Variants in USF3 observed in about 807,000 individuals in gnomAD.
USF3 encodes upstream transcription factor family member 3, also known as basic helix-loop-helix domain-containing protein USF3.
Under a neutral mutation model 157.5 loss-of-function variants are expected in USF3, and 29 were observed. That is an observed-to-expected ratio of 0.18 (90% CI 0.14 to 0.25). USF3 has a LOEUF of 0.25. Ranked by LOEUF, USF3 falls within the 10% of genes least tolerant of loss-of-function variation. USF3 has a pLI of 1.00. For missense variants in USF3, 2,381 were observed against 2,667.6 expected (o/e 0.89, Z 2.37); for synonymous variants, 893 against 941.4 (o/e 0.95, Z 0.94).
rs144964857 is a variant in USF3 at position 113,692,439 on chromosome 3, C to A, written c.-135+3931G>T. On this transcript the variant is annotated intron_variant, in intron 1 of 6. Transcript: ENST00000316407. ...ATGAAAAAAAATTTCATGTTTGTATCCTCAACAATTAGCACTCAGTAACTG... is the reference window on the plus strand; with the variant it reads ...ATGAAAAAAAATTTCATGTTTGTATACTCAACAATTAGCACTCAGTAACTG... 1.7e-3 allele frequency among the ~76,000 whole-genome samples: 255 copies of A among 152,096 alleles called. 1 individual carries two copies. Among genetic ancestry groups the A allele is most frequent in the African/African-American group, 5.7e-3 (236 of 41,498 alleles).
In USF3 at chr3:113,655,666, C is replaced by G. The variant is rs9863796; in HGVS notation, c.6016G>C (p.Val2006Leu). Residue 2006 changes from valine to leucine, a missense_variant, in exon 7 of 7, where the codon GTC becomes CTC. Val to Leu is a conservative substitution (Grantham distance 32). This residue lies in a region of USF3 where 770 missense variants were observed against 824.2 expected (regional missense o/e 0.93). Coordinates refer to ENST00000316407, the MANE Select transcript of USF3 (RefSeq NM_001009899.4). ...NRSGNQRQST[V>L]FDPSLPHLPL... ...AGATGGGGAAGACTTGGATCAAAGACAGTACTTTGCCTTTGGTTTCCAGAA... is the reference window on the plus strand; with the variant it reads ...AGATGGGGAAGACTTGGATCAAAGAGAGTACTTTGCCTTTGGTTTCCAGAA... 6.2e-7 allele frequency: 1 copy of G among 1,614,072 alleles called. No homozygotes were observed. The highest frequency in any genetic ancestry group is 1.1e-5 in the South Asian group (1 of 91,068).
chr3:113,650,313 ATTG>A lies in USF3; in HGVS notation c.*4628_*4630del. ...TGAACTAATTTTGTTTCAAGAAATT[ATTG>A]TTGCTTTTTAAGAGAATACAAGGCA... is the stretch of plus-strand genomic sequence containing the variant. On this transcript the variant is annotated 3_prime_UTR_variant, in exon 7 of 7. Coordinates refer to ENST00000316407, the MANE Select transcript of USF3 (RefSeq NM_001009899.4). 6.3e-6 allele frequency: 1 copy of A among 158,666 alleles called. No individual in the cohort carries two copies. The highest frequency in any genetic ancestry group is 1.9e-4 in the South Asian group (1 of 5,302). The allele number at this position is 158,666 out of a possible 1,614,324, so 9.8% of individuals were successfully genotyped here.
Position 113,682,888 on chromosome 3 carries a change from T to G in USF3, c.-134-5491A>C, listed in dbSNP as rs551465934. On this transcript the variant is annotated intron_variant, in intron 1 of 6. Transcript: ENST00000316407. Reference sequence around the variant, plus strand: ...GTGTTTGTTGTAGGCAACAGATCGCTGGGCTTTTTTTTTTTTTTTTCCTTT... The same window carrying G: ...GTGTTTGTTGTAGGCAACAGATCGCGGGGCTTTTTTTTTTTTTTTTCCTTT... Among the ~76,000 whole-genome samples, 1,201 of 150,728 alleles carry G rather than the reference T, an allele frequency of 8.0e-3. 10 individuals are homozygous for G. Among genetic ancestry groups the G allele is most frequent in the South Asian group, 0.015 (72 of 4,804 alleles).
At chr3:113,665,503 C>G (rs1947550442) in intron 5 of USF3, among the ~76,000 whole-genome samples, 1 of 152,186 alleles carries the variant, frequency 6.6e-6, no homozygotes, top group Admixed American at 6.5e-5. Flanking sequence ...ATTCTCATGT[C>G]CAATACATGC....
At position 113,654,700 on chromosome 3, in the gene USF3, T is replaced by C. The variant is rs1003395412; in HGVS notation, c.*244A>G. On this transcript the variant is annotated 3_prime_UTR_variant, in exon 7 of 7. Coordinates refer to ENST00000316407, the MANE Select transcript of USF3 (RefSeq NM_001009899.4). ...AATTAGTATTTAGGAAATATCAACT[T>C]GGAAATGTAAATCTACTTGGAAAAT... is the stretch of plus-strand genomic sequence containing the variant. The C allele has an allele frequency of 6.2e-6, 3 of 480,472 alleles. No individual in the cohort carries two copies. The highest frequency in any genetic ancestry group is 3.9e-5 in the African/African-American group (2 of 51,078). 29.8% of individuals were successfully genotyped at this position (480,472 alleles called of 1,614,324 possible).
At chr3:113,679,652 G>A (rs964282286) in intron 1 of USF3, among the ~76,000 whole-genome samples, 12 of 151,984 alleles carry the variant, frequency 7.9e-5, no homozygotes, top group African/African-American at 2.7e-4. Flanking sequence ...GACCTCAAGC[G>A]ACCCACCCAT....
chr3:113,687,263 ACACC>A lies in USF3; in HGVS notation c.-135+9103_-135+9106del, dbSNP rs1180942840. On this transcript the variant is annotated intron_variant, in intron 1 of 6. Coordinates refer to ENST00000316407, the MANE Select transcript of USF3 (RefSeq NM_001009899.4). ...CACACACACACACACACACACACACACACCCCCTTTCTAGTACTTCCTTACTTTT... is the reference window on the plus strand; with the variant it reads ...CACACACACACACACACACACACACACCCTTTCTAGTACTTCCTTACTTTT... 5.2e-3 allele frequency among the ~76,000 whole-genome samples: 753 copies of A among 144,650 alleles called. 3 individuals carry two copies. Among genetic ancestry groups the A allele is most frequent in the African/African-American group, 0.015 (582 of 38,524 alleles). The allele number at this position is 144,650 out of a possible 152,430, so 94.9% of individuals were successfully genotyped here. A position where few individuals can be genotyped will look rare whatever the true frequency, so the allele number is the denominator to read the frequency against.
At position 113,691,994 on chromosome 3, in the gene USF3, G is replaced by A. The variant is rs566493131; in HGVS notation, c.-135+4376C>T. 1.5e-4 allele frequency among the ~76,000 whole-genome samples: 23 copies of A among 152,288 alleles called. 1 individual carries two copies. In the South Asian group the frequency reaches 4.8e-3, roughly 32 times the overall value. On this transcript the variant is annotated intron_variant, in intron 1 of 6. Transcript: ENST00000316407. ...GACAATTTTTCCATGGACAGGGAGT[G>A]GAGCAGATGGTTTCAGGATGAAACT...
rs1559705705 is a variant in USF3, at chr3:113,656,961, T to C, written c.4721A>G (p.Gln1574Arg). ...AGGGTTTTCACAGCTCTTCTCTGTC[T>C]GGGAGCTTCCAAAGTGTTGCTGCAT... ...QQMQQHFGSS[Q>R]TEKSCENPST... The change falls in exon 7 of 7, where the codon CAG becomes CGG. Residue 1574 changes from glutamine to arginine, a missense_variant. Coordinates refer to ENST00000316407, the MANE Select transcript of USF3 (RefSeq NM_001009899.4). The C allele has an allele frequency of 2.5e-6, 4 of 1,614,210 alleles. No individual in the cohort carries two copies. Among genetic ancestry groups the C allele is most frequent in the Non-Finnish European group, 3.4e-6 (4 of 1,180,030 alleles).
At chr3:113,692,000 G>A (rs1401536213) in intron 1 of USF3, among the ~76,000 whole-genome samples, 1 of 152,216 alleles carries the variant, frequency 6.6e-6, no homozygotes, top group East Asian at 1.9e-4. Flanking sequence ...GAGTGGAGCA[G>A]ATGGTTTCAG....
chr3:113,680,786 A>G (rs370327870), intron 1 of USF3, among the ~76,000 whole-genome samples: 1 of 149,306 alleles, frequency 6.7e-6, no homozygotes, highest in African/African-American at 2.5e-5. Context: ...TGACAGAATG[A>G]GATACTGTCT....
At chr3:113,695,869 AAC>A (rs1254966161) in intron 1 of USF3, among the ~76,000 whole-genome samples, 2 of 152,224 alleles carry the variant, frequency 1.3e-5, no homozygotes, top group Non-Finnish European at 2.9e-5. Flanking sequence ...CTAAAAAGAA[AAC>A]ACAAGCCTAA....
At position 113,675,851 on chromosome 3, in the gene USF3, T is replaced by A. The variant is rs566863100; in HGVS notation, c.-18-955A>T. On this transcript the variant is annotated intron_variant, in intron 2 of 6. Coordinates refer to ENST00000316407, the MANE Select transcript of USF3 (RefSeq NM_001009899.4). ...GAACATTTTGCTGCTTAGAAATTTC[T>A]TCCACCGGATAACCTAAATTCTCTC... Among the ~76,000 whole-genome samples the A allele has an allele frequency of 2.3e-3, 346 of 152,304 alleles. 2 individuals are homozygous for A. The highest frequency in any genetic ancestry group is 7.6e-3 in the African/African-American group (316 of 41,572).
intron 2 of USF3, among the ~76,000 whole-genome samples, chr3:113,676,833 C>T (rs1310815974): frequency 6.6e-6 from 1 of 151,706 alleles, no homozygotes; most frequent in Non-Finnish European, 1.5e-5. Context: ...AGTTACATGA[C>T]CCTCAGAATC....
chr3:113,651,949 G>C lies in USF3; in HGVS notation c.*2995C>G, dbSNP rs1276578689. ...AGCTAAGCAGGAAAATACAATTAAT[G>C]CAACAGAAATACTTGAAAGTCACAG... On this transcript the variant is annotated 3_prime_UTR_variant, in exon 7 of 7. Coordinates refer to ENST00000316407, the MANE Select transcript of USF3 (RefSeq NM_001009899.4). The C allele has an allele frequency of 1.3e-5, 2 of 152,196 alleles. No individual in the cohort carries two copies. The highest frequency in any genetic ancestry group is 2.4e-5 in the African/African-American group (1 of 41,452). 9.4% of individuals were successfully genotyped at this position (152,196 alleles called of 1,614,324 possible).
chr3:113,694,942 G>C (rs1385518576), intron 1 of USF3, among the ~76,000 whole-genome samples: 1 of 152,166 alleles, frequency 6.6e-6, no homozygotes, highest in African/African-American at 2.4e-5. Context: ...CTACTCAGGA[G>C]GCTGATGCAG....
intron 1 of USF3, among the ~76,000 whole-genome samples, chr3:113,682,887 C>T (rs1337787096): frequency 2.7e-5 from 4 of 145,908 alleles, no homozygotes; most frequent in East Asian, 2.0e-4. Context: ...CAACAGATCG[C>T]TGGGCTTTTT....
In USF3 at chr3:113,654,486, T is replaced by C. The variant is rs1223703347; in HGVS notation, c.*458A>G. 1 of 155,366 alleles carries C rather than the reference T, an allele frequency of 6.4e-6. No homozygotes were observed. The highest frequency in any genetic ancestry group is 1.4e-5 in the Non-Finnish European group (1 of 70,292). 9.6% of individuals were successfully genotyped at this position (155,366 alleles called of 1,614,324 possible). A position where few individuals can be genotyped will look rare whatever the true frequency, so the allele number is the denominator to read the frequency against. On this transcript the variant is annotated 3_prime_UTR_variant, in exon 7 of 7. Transcript: ENST00000316407. ...ACATCAGTTCAACATCTGTCATAGG[T>C]AAGAAGCTGTTCTAGATGCTGACAT... is the stretch of plus-strand genomic sequence containing the variant.
In USF3 at chr3:113,652,968, A is replaced by G; in HGVS notation, c.*1976T>C. ...AGTGACCTTGAATATCTCCTGAGGA[A>G]GAGGAACTTGAAAAAGGAATATTCA... On this transcript the variant is annotated 3_prime_UTR_variant, in exon 7 of 7. Transcript: ENST00000316407. 2 of 1,089,078 alleles carry G rather than the reference A, an allele frequency of 1.8e-6. No homozygotes were observed. The highest frequency in any genetic ancestry group is 2.6e-6 in the Non-Finnish European group (2 of 781,446). The allele number at this position is 1,089,078 out of a possible 1,614,324, so 67.5% of individuals were successfully genotyped here.
Sources: allele counts gnomAD v4.1 joint callset (sites outside exome capture counted in the v4.1 genomes callset), GRCh38; gene constraint gnomAD v4.1.1; regional missense constraint gnomAD v4.1.1; transcripts MANE v1.5; gene names NCBI Gene and HGNC (gene_info 2026-07-23, HGNC 2026-07-21).